ITGBL1: variants seen among roughly 807,000 people sequenced by gnomAD.
The protein encoded by ITGBL1 is integrin beta-like protein 1.
Under a neutral mutation model 68.5 loss-of-function variants are expected in ITGBL1, and 51 were observed. The ratio of observed to expected loss-of-function variants is 0.74; its 90% CI spans 0.59 to 0.94. The LOEUF (loss-of-function observed/expected upper bound fraction) is 0.94. ITGBL1 is among the 40% of genes least tolerant of loss of function. ITGBL1 has a pLI of 0.00. For synonymous variants in ITGBL1, 209 were observed against 227.3 expected (o/e 0.92, Z 0.72); for missense variants, 649 against 647.4 (o/e 1.00, Z -0.03).
At chr13:101,540,357 G>C (rs1169951595) in intron 2 of ITGBL1, among the ~76,000 whole-genome samples, 7 of 152,066 alleles carry the variant, frequency 4.6e-5, no homozygotes, top group African/African-American at 7.2e-5. Flanking sequence ...AAGATCAGAT[G>C]GTTGTAGATA....
chr13:101,479,696 A>G (rs1247712226), intron 2 of ITGBL1, among the ~76,000 whole-genome samples: 1 of 152,126 alleles, frequency 6.6e-6, no homozygotes, highest in Non-Finnish European at 1.5e-5. Flanking sequence ...GCAAACAGGC[A>G]TATGAAAAGG....
Position 101,634,929 on chromosome 13 carries a change from A to C in ITGBL1, c.1015+36630A>C, listed in dbSNP as rs539412695. 4.7e-5 allele frequency among the ~76,000 whole-genome samples: 7 copies of C among 148,738 alleles called. No individual in the cohort carries two copies. The South Asian group carries it at 1.5e-3, about 32-fold the overall frequency. ...CTAAAGAAGCATAGATATACTTTCA[A>C]TATAAGCAAAAGGTGTGTGTGTGTG... is the stretch of plus-strand genomic sequence containing the variant. On this transcript the variant is annotated intron_variant, in intron 7 of 10. Coordinates refer to ENST00000376180, the MANE Select transcript of ITGBL1 (RefSeq NM_004791.3).
intron 2 of ITGBL1, among the ~76,000 whole-genome samples, chr13:101,470,691 G>A (rs926930329): frequency 6.6e-6 from 1 of 152,254 alleles, no homozygotes; most frequent in African/African-American, 2.4e-5. Flanking sequence ...TGTGGGAGGG[G>A]TGGAGGGGTG....
intron 7 of ITGBL1, among the ~76,000 whole-genome samples, chr13:101,622,186 T>C (rs562610955): frequency 2.8e-4 from 42 of 152,280 alleles, no homozygotes; most frequent in African/African-American, 8.9e-4. Flanking sequence ...ATTTAATGAA[T>C]AATAGTAGTT....
intron 2 of ITGBL1, among the ~76,000 whole-genome samples, chr13:101,544,014 C>G (rs1042135888): frequency 2.0e-5 from 3 of 152,070 alleles, no homozygotes; most frequent in Non-Finnish European, 4.4e-5. Context: ...TCCTTTAGCT[C>G]GGAGTAGTTT....
chr13:101,561,736 A>G (rs1261339147), intron 2 of ITGBL1, among the ~76,000 whole-genome samples: 1 of 152,198 alleles, frequency 6.6e-6, no homozygotes, highest in Non-Finnish European at 1.5e-5. Context: ...TGAATTCTAT[A>G]TCCAGCAAAA....
At chr13:101,543,125 G>A (rs549711681) in intron 2 of ITGBL1, among the ~76,000 whole-genome samples, 66 of 152,214 alleles carry the variant, frequency 4.3e-4, no homozygotes, top group African/African-American at 9.9e-4. Context: ...TATTTTGTTC[G>A]TTAGTTGATG....
intron 7 of ITGBL1, among the ~76,000 whole-genome samples, chr13:101,604,864 A>ACATATATATATATATATATATGTG (rs1286021213): frequency 4.0e-5 from 1 of 25,174 alleles, no homozygotes; most frequent in African/African-American, 1.2e-4. Context: ...ATATATATAT[A>ACATATATATATATATATATATGTG]TATATATATA....
intron 8 of ITGBL1, among the ~76,000 whole-genome samples, chr13:101,694,893 T>G (rs554361645): frequency 3.2e-4 from 49 of 152,314 alleles, no homozygotes; most frequent in African/African-American, 1.1e-3. Context: ...TGGGAATTCC[T>G]CCAAATTACG....
chr13:101,562,993 GAAC>G lies in ITGBL1; in HGVS notation c.317-4701_317-4699del, dbSNP rs147644177. On this transcript the variant is annotated intron_variant, in intron 2 of 10. Transcript: ENST00000376180. The stretch of plus-strand genomic sequence containing the variant: ...ACAGAAATAGATCTGAAAAAAATTT[GAAC>G]AACACACTTCTACATAACCCATAGG... Among the ~76,000 whole-genome samples, 581 of 151,356 alleles carry G rather than the reference GAAC, an allele frequency of 3.8e-3. 7 individuals are homozygous for G. The highest frequency in any genetic ancestry group is 0.014 in the Middle Eastern group (4 of 290).
At chr13:101,694,699 G>A (rs2033964012) in intron 8 of ITGBL1, among the ~76,000 whole-genome samples, 1 of 152,118 alleles carries the variant, frequency 6.6e-6, no homozygotes, top group Non-Finnish European at 1.5e-5. Context: ...TGGAATTACA[G>A]GTGTGAGCCA....
chr13:101,632,026 A>G (rs1005665457), intron 7 of ITGBL1, among the ~76,000 whole-genome samples: 4 of 152,060 alleles, frequency 2.6e-5, no homozygotes, highest in Admixed American at 6.6e-5. Context: ...AAAAGCAAAA[A>G]CTATAAAAAT....
At chr13:101,591,255 C>T (rs1227920597) in intron 6 of ITGBL1, among the ~76,000 whole-genome samples, 1 of 152,176 alleles carries the variant, frequency 6.6e-6, no homozygotes, top group Non-Finnish European at 1.5e-5. Flanking sequence ...AACCCAACAA[C>T]CTATGAAATA....
At chr13:101,650,206 T>G (rs2032699525) in intron 7 of ITGBL1, among the ~76,000 whole-genome samples, 3 of 152,238 alleles carry the variant, frequency 2.0e-5, no homozygotes, top group African/African-American at 7.2e-5. Context: ...CACCGTGGTC[T>G]TATATTTTCT....
At chr13:101,707,792 G>C (rs571270722) in intron 9 of ITGBL1, among the ~76,000 whole-genome samples, 1 of 150,360 alleles carries the variant, frequency 6.7e-6, no homozygotes, top group South Asian at 2.1e-4. Context: ...CGTGGAGGTC[G>C]CAGTAAACTG....
At chr13:101,555,623 A>G (rs999110010) in intron 2 of ITGBL1, among the ~76,000 whole-genome samples, 3 of 152,210 alleles carry the variant, frequency 2.0e-5, no homozygotes, top group Non-Finnish European at 4.4e-5. Flanking sequence ...GAAAATATAT[A>G]TGCATGTATT....
At chr13:101,459,895 A>G (rs2048294811) in intron 2 of ITGBL1, among the ~76,000 whole-genome samples, 1 of 152,130 alleles carries the variant, frequency 6.6e-6, no homozygotes, top group South Asian at 2.1e-4. Context: ...TCTTGAAGAT[A>G]TTTGACTTTT....
intron 7 of ITGBL1, among the ~76,000 whole-genome samples, chr13:101,674,484 T>A (rs535486969): frequency 1.3e-4 from 20 of 152,316 alleles, no homozygotes; most frequent in Non-Finnish European, 2.4e-4. Context: ...TACTTCTAAA[T>A]ATGATGTTTG....
chr13:101,715,454 C>A, intron 10 of ITGBL1, 109 bp from the exon 11 acceptor site: 2 of 798,986 alleles, frequency 2.5e-6, no homozygotes, highest in South Asian at 1.5e-5. Context: ...GAAAATCTAC[C>A]AAGGATGAAT....
Sources: gnomAD v4.1 joint callset for allele counts (sites outside exome capture counted in the v4.1 genomes callset) on GRCh38, gnomAD v4.1.1 for gene constraint, MANE v1.5 for transcripts, NCBI Gene and HGNC (gene_info 2026-07-23, HGNC 2026-07-21) for gene names.